SSB: variants seen among roughly 807,000 people sequenced by gnomAD.
SSB encodes the protein lupus La protein.
A neutral mutation model predicts 52.9 loss-of-function variants in SSB; 17 were observed. That is an observed-to-expected ratio of 0.32 (90% confidence interval 0.22 to 0.48). SSB has a LOEUF of 0.48. SSB is among the 20% of genes least tolerant of loss of function. The probability of loss-of-function intolerance (pLI) is 0.99; values close to 1 mark genes in which losing one functional copy is unlikely to be tolerated. For missense variants in SSB, 314 were observed against 463.6 expected, an observed-to-expected ratio of 0.68 and a Z score of 2.96; for synonymous variants, 111 against 152.1, an observed-to-expected ratio of 0.73 and a Z score of 1.99.
At chr2:169,807,436 G>A (rs1340735824) in intron 6 of SSB, among the ~76,000 whole-genome samples, 1 of 151,994 alleles carries the variant, frequency 6.6e-6, no homozygotes, top group Non-Finnish European at 1.5e-5. Flanking sequence ...CTACAGGCGC[G>A]TGCCACCTCG....
chr2:169,806,533 A>G lies in SSB; in HGVS notation c.346-252A>G, dbSNP rs1689832735. 5 of 332,214 alleles carry G rather than the reference A, an allele frequency of 1.5e-5. No individual in the cohort carries two copies. In the South Asian group the frequency reaches 3.4e-4, roughly 22 times the overall value. The allele number at this position is 332,214 out of a possible 1,614,324, so 20.6% of individuals were successfully genotyped here. ...ATCACCAGCTTTAGTAGTTAATAACAGAACATGCAAATCATCTTGTTTTAT... is the reference window on the plus strand; with the variant it reads ...ATCACCAGCTTTAGTAGTTAATAACGGAACATGCAAATCATCTTGTTTTAT... On this transcript the variant is annotated intron_variant, in intron 4 of 11. Transcript: ENST00000260956.
intron 2 of SSB, among the ~76,000 whole-genome samples, chr2:169,802,453 A>C (rs1056441865): frequency 1.3e-5 from 2 of 151,770 alleles, no homozygotes; most frequent in African/African-American, 2.4e-5. Context: ...TCTGCATTTA[A>C]AATGTCTCAT....
At position 169,811,660 on chromosome 2, in the gene SSB, C is replaced by A. The variant is rs371138231; in HGVS notation, c.1139-8C>A. ...TGAATTTAACAAAAATTAATTGTTACGTTATAGGACCTGTGAAAAGAGCAA... is the reference window on the plus strand; with the variant it reads ...TGAATTTAACAAAAATTAATTGTTAAGTTATAGGACCTGTGAAAAGAGCAA... On this transcript the variant is annotated splice_polypyrimidine_tract_variant and splice_region_variant and intron_variant, in intron 11 of 11. Coordinates refer to ENST00000260956, the MANE Select transcript of SSB (RefSeq NM_003142.5). The A allele has an allele frequency of 1.2e-6, 2 of 1,603,550 alleles. No homozygotes were observed. The highest frequency in any genetic ancestry group is 1.7e-6 in the Non-Finnish European group (2 of 1,177,312).
rs1268095950 is a variant in SSB, at chr2:169,810,979, A to G, written c.932A>G (p.Glu311Gly). 1 of 1,613,236 alleles carries G rather than the reference A, an allele frequency of 6.2e-7. No homozygotes were observed. Among genetic ancestry groups the G allele is most frequent in the Non-Finnish European group, 8.5e-7 (1 of 1,179,750 alleles). ...TGGGAAGTACTAGAAGGAGAGGTGG[A>G]AAAAGAAGCACTGAAGAAAATAATA... ...VTWEVLEGEVEKEALKKIIED... is the reference protein window; with the variant it reads ...VTWEVLEGEVGKEALKKIIED... The change falls in exon 10 of 12, where the codon GAA becomes GGA. Residue 311 changes from glutamate (E) to glycine (G), a missense_variant. Coordinates refer to ENST00000260956, the MANE Select transcript of SSB (RefSeq NM_003142.5).
chr2:169,810,487 T>G (rs1689925650), intron 9 of SSB, 64 bp downstream of exon 9: 1 of 1,433,598 alleles, frequency 7.0e-7, no homozygotes, highest in Non-Finnish European at 9.4e-7. Context: ...TTAGACAAAA[T>G]TAGTAGAAAG....
intron 4 of SSB, 62 bp from the exon 5 acceptor site, chr2:169,806,723 T>TC (rs1401378727): frequency 3.0e-6 from 4 of 1,313,150 alleles, no homozygotes; most frequent in Non-Finnish European, 4.3e-6. Flanking sequence ...TCAAATTCTC[T>TC]CCAATTGTTT....
Position 169,810,948 on chromosome 2 carries a change from G to A in SSB, c.901G>A (p.Val301Met). ...NGNLQLRNKEVTWEVLEGEVE... is the reference protein window; with the variant it reads ...NGNLQLRNKEMTWEVLEGEVE... Reference sequence around the variant, plus strand: ...TAACCTACAATTAAGGAACAAAGAAGTGACTTGGGAAGTACTAGAAGGAGA... The same window carrying A: ...TAACCTACAATTAAGGAACAAAGAAATGACTTGGGAAGTACTAGAAGGAGA... Residue 301 changes from valine to methionine, a missense_variant, in exon 10 of 12, where the codon GTG becomes ATG. Physicochemically the swap from Val to Met is conservative, Grantham distance 21 (BLOSUM62 1). Coordinates refer to ENST00000260956, the MANE Select transcript of SSB (RefSeq NM_003142.5). The A allele has an allele frequency of 6.2e-7, 1 of 1,613,720 alleles. No individual in the cohort carries two copies. Among genetic ancestry groups the A allele is most frequent in the Non-Finnish European group, 8.5e-7 (1 of 1,179,762 alleles).
At chr2:169,803,346 C>T (rs1689750445) in intron 2 of SSB, among the ~76,000 whole-genome samples, 1 of 152,040 alleles carries the variant, frequency 6.6e-6, no homozygotes, top group South Asian at 2.1e-4. Flanking sequence ...CTCACCACAA[C>T]CTCCACCTTC....
At chr2:169,805,357 G>C (rs375500458) in intron 2 of SSB, 117 bp from the exon 3 acceptor site, 2 of 691,474 alleles carry the variant, frequency 2.9e-6, no homozygotes, top group East Asian at 5.5e-5. Flanking sequence ...TGGGGAAAGT[G>C]TTTTGCCTTT....
intron 10 of SSB, 49 bp downstream of exon 10, chr2:169,811,093 A>G: frequency 1.3e-6 from 2 of 1,593,318 alleles, no homozygotes; most frequent in Non-Finnish European, 1.7e-6. Flanking sequence ...GAACCCATTT[A>G]CTTGAGCAAA....
At position 169,811,138 on chromosome 2, in the gene SSB, A is replaced by G. The variant is rs746620805; in HGVS notation, c.998-45A>G. 4.4e-6 allele frequency: 7 copies of G among 1,593,478 alleles called. No individual in the cohort carries two copies. In the South Asian group the frequency reaches 5.8e-5, roughly 13 times the overall value. The stretch of plus-strand genomic sequence containing the variant: ...CAGTGTTCAAAAACATTGACAAGAG[A>G]CTTAAAAAAAGTTCTTTACAGAGTG... On this transcript the variant is annotated intron_variant, in intron 10 of 11. Coordinates refer to ENST00000260956, the MANE Select transcript of SSB (RefSeq NM_003142.5).
intron 2 of SSB, among the ~76,000 whole-genome samples, chr2:169,801,227 A>G (rs1452775897): frequency 6.6e-6 from 1 of 152,230 alleles, no homozygotes; most frequent in Non-Finnish European, 1.5e-5. Context: ...AGGTAACACT[A>G]TAAACTAGAG....
intron 7 of SSB, 105 bp downstream of exon 7, chr2:169,808,658 T>A: frequency 8.8e-7 from 1 of 1,138,080 alleles, no homozygotes; most frequent in Non-Finnish European, 1.3e-6. Flanking sequence ...TTCTCTTTGC[T>A]AGTGAAACAC....
chr2:169,805,420 G>A lies in SSB; in HGVS notation c.67-54G>A, dbSNP rs571690360. The A allele has an allele frequency of 4.0e-5, 53 of 1,322,958 alleles. No individual in the cohort carries two copies. In the South Asian group the frequency reaches 5.8e-4, roughly 14 times the overall value. 82.0% of individuals were successfully genotyped at this position (1,322,958 alleles called of 1,614,324 possible). A position where few individuals can be genotyped will look rare whatever the true frequency, so the allele number is the denominator to read the frequency against. On this transcript the variant is annotated intron_variant, in intron 2 of 11. Coordinates refer to ENST00000260956, the MANE Select transcript of SSB (RefSeq NM_003142.5). ...AACTTGGTACTGTAGAGTAATGTCA[G>A]GATTGGAGTCCATATTATACAGTGT...
Position 169,805,557 on chromosome 2 carries a change from G to C in SSB, c.150G>C (p.Glu50Asp). The C allele has an allele frequency of 6.2e-7, 1 of 1,613,810 alleles. No homozygotes were observed. Among genetic ancestry groups the C allele is most frequent in the Non-Finnish European group, 8.5e-7 (1 of 1,179,892 alleles). Residue 50 changes from glutamate to aspartate, a missense_variant, in exon 3 of 12, where the codon GAG becomes GAC. Glu to Asp is a conservative substitution (Grantham distance 45, BLOSUM62 2). Transcript: ENST00000260956. ...IKLDEGWVPL[E>D]IMIKFNRLNR... Reference sequence around the variant, plus strand: ...TGGATGAAGGCTGGGTACCTTTGGAGATAATGATAAAATTCAACAGGTAAC... The same window carrying C: ...TGGATGAAGGCTGGGTACCTTTGGACATAATGATAAAATTCAACAGGTAAC...
rs761677581 is a variant in SSB, at chr2:169,810,938, G to C, written c.891G>C (p.Arg297Ser). 6.2e-7 allele frequency: 1 copy of C among 1,613,532 alleles called. No homozygotes were observed. Among genetic ancestry groups the C allele is most frequent in the African/African-American group, 1.3e-5 (1 of 74,904 alleles). ...CAAATAATGGTAACCTACAATTAAG[G>C]AACAAAGAAGTGACTTGGGAAGTAC... Reference protein sequence around the residue: ...KDANNGNLQLRNKEVTWEVLE... With the variant: ...KDANNGNLQLSNKEVTWEVLE... The change falls in exon 10 of 12, where the codon AGG (arginine) becomes AGC (serine). Residue 297 changes from arginine to serine, a missense_variant. Physicochemically the swap from Arg to Ser is moderately radical, Grantham distance 110. Coordinates refer to ENST00000260956, the MANE Select transcript of SSB (RefSeq NM_003142.5).
chr2:169,801,935 C>T (rs139874008), intron 2 of SSB, among the ~76,000 whole-genome samples: 2 of 152,106 alleles, frequency 1.3e-5, no homozygotes, highest in East Asian at 3.9e-4. Context: ...ATCCGTAGTA[C>T]CTTTGCAGTA....
intron 6 of SSB, among the ~76,000 whole-genome samples, chr2:169,807,760 T>TTTTTTTCA (rs1553482596): frequency 7.6e-6 from 1 of 132,414 alleles, no homozygotes; most frequent in Non-Finnish European, 1.6e-5. Flanking sequence ...TTTTTTTTTT[T>TTTTTTTCA]ACAGTACAAA....
intron 8 of SSB, 62 bp from the exon 9 acceptor site, chr2:169,810,219 TGA>T: frequency 7.7e-7 from 1 of 1,306,632 alleles, no homozygotes; most frequent in South Asian, 1.5e-5. Flanking sequence ...TAAGGTGGTG[TGA>T]GTCATTTCTG....
Sources: gnomAD v4.1 joint callset for allele counts (sites outside exome capture counted in the v4.1 genomes callset) on GRCh38, gnomAD v4.1.1 for gene constraint, MANE v1.5 for transcripts, NCBI Gene and HGNC (gene_info 2026-07-23, HGNC 2026-07-21) for gene names.